VPS13D: variants seen among roughly 807,000 people sequenced by gnomAD.
VPS13D encodes the protein intermembrane lipid transfer protein VPS13D.
A neutral mutation model predicts 461.9 loss-of-function variants in VPS13D; 187 were observed. The ratio of observed to expected loss-of-function variants is 0.40; its 90% CI spans 0.36 to 0.46. The LOEUF (loss-of-function observed/expected upper bound fraction) is 0.46. VPS13D is among the 20% of genes least tolerant of loss of function. The pLI is 0.60. For synonymous variants in VPS13D, 1,951 were observed against 1,986.3 expected (o/e 0.98, Z 0.47); for missense variants, 4,711 against 5,364.9 (o/e 0.88, Z 3.81).
At chr1:12,425,425 G>A (rs1170544879) in intron 65 of VPS13D, among the ~76,000 whole-genome samples, 2 of 152,044 alleles carry the variant, frequency 1.3e-5, no homozygotes, top group Non-Finnish European at 2.9e-5. Flanking sequence ...TAAGCGTGGT[G>A]GTGCATGCCT....
At chr1:12,490,122 A>T (rs1402713903) in intron 67 of VPS13D, among the ~76,000 whole-genome samples, 1 of 152,152 alleles carries the variant, frequency 6.6e-6, no homozygotes, top group African/African-American at 2.4e-5. Flanking sequence ...TCTGCATATG[A>T]TAGTTTGGGA....
rs1643600422 is a variant in VPS13D, at chr1:12,342,841, T to C, written c.8733-58T>C. 7 of 1,541,294 alleles carry C rather than the reference T, an allele frequency of 4.5e-6. No homozygotes were observed. The South Asian group carries it at 8.6e-5, about 19-fold the overall frequency. ...GTTCTGCTCTTCTGCACGGGGCTCC[T>C]GTGAGAGGGAGCTGGGAAGAAACAG... On this transcript the variant is annotated intron_variant, in intron 41 of 69. Coordinates refer to ENST00000620676, the MANE Select transcript of VPS13D (RefSeq NM_015378.4).
intron 67 of VPS13D, among the ~76,000 whole-genome samples, chr1:12,486,138 T>C (rs1168471395): frequency 6.6e-6 from 1 of 152,174 alleles, no homozygotes; most frequent in Admixed American, 6.5e-5. Flanking sequence ...CCAGGCCAGT[T>C]TGACACAAGT....
chr1:12,336,575 T>TA (rs1013079095), intron 39 of VPS13D: 6 of 152,254 alleles, frequency 3.9e-5, no homozygotes, highest in African/African-American at 1.4e-4. Flanking sequence ...AATACTTAAA[T>TA]ATTCCATCTG....
rs768580240 is a variant in VPS13D, at chr1:12,318,281, G to C, written c.7358G>C (p.Arg2453Pro). 6.2e-7 allele frequency: 1 copy of C among 1,613,718 alleles called. No individual in the cohort carries two copies. The highest frequency in any genetic ancestry group is 8.5e-7 in the Non-Finnish European group (1 of 1,179,754). Residue 2453 changes from arginine (R) to proline (P), a missense_variant, in exon 31 of 70, where the codon CGG becomes CCG. Physicochemically the swap from Arg to Pro is moderately radical, Grantham distance 103 (BLOSUM62 -2). This residue lies in a region of VPS13D where 4,411 missense variants were observed against 4,937.8 expected (regional missense o/e 0.89). Coordinates refer to ENST00000620676, the MANE Select transcript of VPS13D (RefSeq NM_015378.4). Reference sequence around the variant, plus strand: ...GTGAAGAGTGGAGTAGTTACCAAGCGGTCTTCCCTTCCTGTGTCCAATGAA... The same window carrying C: ...GTGAAGAGTGGAGTAGTTACCAAGCCGTCTTCCCTTCCTGTGTCCAATGAA... ...KTVKSGVVTK[R>P]SSLPVSNERH...
At chr1:12,484,542 G>A (rs1645770692) in intron 67 of VPS13D, among the ~76,000 whole-genome samples, 1 of 152,202 alleles carries the variant, frequency 6.6e-6, no homozygotes, top group African/African-American at 2.4e-5. Flanking sequence ...ATCTAGTTTG[G>A]CTTTGCCAGG....
At chr1:12,262,585 G>C (rs959034844) in intron 13 of VPS13D, among the ~76,000 whole-genome samples, 1 of 152,194 alleles carries the variant, frequency 6.6e-6, no homozygotes, top group Non-Finnish European at 1.5e-5. Flanking sequence ...GTGGCCAGAT[G>C]ATTTTGCCTA....
intron 60 of VPS13D, among the ~76,000 whole-genome samples, chr1:12,396,124 T>C (rs191677309): frequency 6.1e-4 from 92 of 149,598 alleles, no homozygotes; most frequent in African/African-American, 2.2e-3. Context: ...AAGAGAGAGA[T>C]GCCAGACAAG....
chr1:12,384,601 A>G (rs1644326305), intron 58 of VPS13D, among the ~76,000 whole-genome samples: 1 of 152,140 alleles, frequency 6.6e-6, no homozygotes, highest in Admixed American at 6.6e-5. Context: ...GTGCATCACA[A>G]TTCACAACAC....
chr1:12,311,431 G>A (rs1642745612), intron 27 of VPS13D, 23 bp from the exon 28 acceptor site: 1 of 1,592,246 alleles, frequency 6.3e-7, no homozygotes, highest in East Asian at 2.2e-5. Context: ...GTCTGTGTAA[G>A]TGATCTTTTT....
At chr1:12,254,304 G>A (rs1398363586) in intron 7 of VPS13D, among the ~76,000 whole-genome samples, 1 of 152,050 alleles carries the variant, frequency 6.6e-6, no homozygotes, top group East Asian at 1.9e-4. Context: ...GCCTCCCAAA[G>A]TGCTGGGATT....
At chr1:12,466,826 G>A (rs370154552) in intron 67 of VPS13D, among the ~76,000 whole-genome samples, 3 of 152,240 alleles carry the variant, frequency 2.0e-5, no homozygotes, top group Non-Finnish European at 4.4e-5. Flanking sequence ...CACGAAAAAG[G>A]CATTACATTT....
Position 12,509,635 on chromosome 1 carries a change from G to T in VPS13D, c.*611G>T, listed in dbSNP as rs1280767083. ...CTGTGAGCTGTGGCACCCAGGACTG[G>T]CGCTGGCCCTTCAGAAGGATCTAGG... On this transcript the variant is annotated 3_prime_UTR_variant, in exon 70 of 70. Transcript: ENST00000620676. The T allele has an allele frequency of 6.6e-6, 1 of 152,308 alleles. No individual in the cohort carries two copies. The highest frequency in any genetic ancestry group is 1.5e-5 in the Non-Finnish European group (1 of 68,084). 9.4% of individuals were successfully genotyped at this position (152,308 alleles called of 1,614,324 possible).
intron 23 of VPS13D, 84 bp downstream of exon 23, chr1:12,291,208 A>T: frequency 6.7e-7 from 1 of 1,484,252 alleles, no homozygotes; most frequent in Non-Finnish European, 9.0e-7. Context: ...CAATAAAGAA[A>T]ACTTTTAAAA....
At chr1:12,389,490 A>G (rs992114496) in intron 60 of VPS13D, among the ~76,000 whole-genome samples, 3 of 152,252 alleles carry the variant, frequency 2.0e-5, no homozygotes, top group African/African-American at 7.2e-5. Context: ...TGATGCTTGA[A>G]TGCTGATATG....
In VPS13D at chr1:12,415,349, C is replaced by T. The variant is rs147543884; in HGVS notation, c.12165+128C>T. On this transcript the variant is annotated intron_variant, in intron 64 of 69. Coordinates refer to ENST00000620676, the MANE Select transcript of VPS13D (RefSeq NM_015378.4). Reference sequence around the variant, plus strand: ...TAAACATTTCAACTCTGTTGTGTTACGGGTCAGGTCACTTCCCAAGAAGCC... The same window carrying T: ...TAAACATTTCAACTCTGTTGTGTTATGGGTCAGGTCACTTCCCAAGAAGCC... The T allele has an allele frequency of 8.6e-5, 106 of 1,226,486 alleles. No homozygotes were observed. In the African/African-American group the frequency reaches 1.3e-3, roughly 15 times the overall value. 76.0% of individuals were successfully genotyped at this position (1,226,486 alleles called of 1,614,324 possible).
At chr1:12,409,749 A>G (rs1644698846) in intron 63 of VPS13D, 1 of 392,050 alleles carries the variant, frequency 2.6e-6, no homozygotes, top group Non-Finnish European at 5.0e-6. Context: ...ACCAGCTTAT[A>G]GCAGACCCAG....
At chr1:12,238,192 C>T (rs1004789768) in intron 2 of VPS13D, among the ~76,000 whole-genome samples, 2 of 138,348 alleles carry the variant, frequency 1.4e-5, no homozygotes, top group African/African-American at 5.4e-5. Flanking sequence ...TATCTCCCCC[C>T]CAAAATATAT....
chr1:12,230,809 A>G (rs544366816), intron 1 of VPS13D, among the ~76,000 whole-genome samples: 7 of 149,144 alleles, frequency 4.7e-5, no homozygotes, highest in African/African-American at 1.7e-4. Context: ...TGGCCCAGCC[A>G]CTCCTCCTAG....
Sources: gnomAD v4.1 joint callset for allele counts (sites outside exome capture counted in the v4.1 genomes callset) on GRCh38, gnomAD v4.1.1 for gene constraint, gnomAD v4.1.1 regional missense constraint, MANE v1.5 for transcripts, NCBI Gene and HGNC (gene_info 2026-07-23, HGNC 2026-07-21) for gene names.